The following ELK3 variants were observed in gnomAD, a reference collection of about 807,000 sequenced individuals.
ELK3 encodes the protein ETS domain-containing protein Elk-3.
ELK3 carries 10 observed loss-of-function variants against 28.9 expected under a neutral mutation model. The observed-to-expected ratio is 0.35, with a 90% confidence interval of 0.21 to 0.59. The LOEUF (loss-of-function observed/expected upper bound fraction) is 0.59. Ranked by LOEUF, ELK3 falls within the 20% of genes least tolerant of loss-of-function variation. The pLI is 0.82. For missense variants in ELK3, 463 were observed against 517.3 expected (o/e 0.90, Z 1.02); for synonymous variants, 272 against 243.5 (o/e 1.12, Z -1.09).
At chr12:96,215,397 C>T (rs1295302488) in intron 1 of ELK3, among the ~76,000 whole-genome samples, 1 of 152,104 alleles carries the variant, frequency 6.6e-6, no homozygotes, top group Non-Finnish European at 1.5e-5. Context: ...GGTCAGCTTC[C>T]AAGAAGAGGC....
At chr12:96,240,976 A>G (rs1017495887) in intron 2 of ELK3, among the ~76,000 whole-genome samples, 1 of 152,238 alleles carries the variant, frequency 6.6e-6, no homozygotes, top group Non-Finnish European at 1.5e-5. Flanking sequence ...GGGTGAAATT[A>G]TGGCTCATTA....
chr12:96,210,495 T>C (rs1951568394), intron 1 of ELK3, among the ~76,000 whole-genome samples: 1 of 151,958 alleles, frequency 6.6e-6, no homozygotes, highest in African/African-American at 2.4e-5. Context: ...GGGCCCCTCT[T>C]GGGCTAGGCT....
At chr12:96,261,539 TTACAG>T (rs1565793530) in intron 4 of ELK3, among the ~76,000 whole-genome samples, 1 of 152,210 alleles carries the variant, frequency 6.6e-6, no homozygotes, top group African/African-American at 2.4e-5. Context: ...AATTGTTTGG[TTACAG>T]TAAACTCCAT....
At chr12:96,259,706 G>T in intron 3 of ELK3, 25 bp from the exon 4 acceptor site, 1 of 1,602,354 alleles carries the variant, frequency 6.2e-7, no homozygotes, top group Non-Finnish European at 8.5e-7. Flanking sequence ...CCTATATGAA[G>T]AAGTCTGTTT....
intron 1 of ELK3, among the ~76,000 whole-genome samples, chr12:96,218,749 C>T (rs1441387590): frequency 2.0e-5 from 3 of 151,062 alleles, no homozygotes; most frequent in Admixed American, 6.6e-5. Context: ...CCTGGGTTCA[C>T]GCCATTCTCC....
Position 96,267,507 on chromosome 12 carries a change from T to C in ELK3, c.*327T>C. ...AACTAATAAGGATGTGAAGCTTTTTTCTCTTTAGTTCTGAGTATGCTAAAC... is the reference window on the plus strand; with the variant it reads ...AACTAATAAGGATGTGAAGCTTTTTCCTCTTTAGTTCTGAGTATGCTAAAC... On this transcript the variant is annotated 3_prime_UTR_variant, in exon 5 of 5. Coordinates refer to ENST00000228741, the MANE Select transcript of ELK3 (RefSeq NM_005230.4). 4.8e-6 allele frequency: 1 copy of C among 209,340 alleles called. No homozygotes were observed. The highest frequency in any genetic ancestry group is 9.8e-6 in the Non-Finnish European group (1 of 102,182). The allele number at this position is 209,340 out of a possible 1,614,324, so 13.0% of individuals were successfully genotyped here. A position where few individuals can be genotyped will look rare whatever the true frequency, so the allele number is the denominator to read the frequency against.
chr12:96,250,708 T>G (rs1001716808), intron 3 of ELK3, among the ~76,000 whole-genome samples: 2 of 152,200 alleles, frequency 1.3e-5, no homozygotes, highest in African/African-American at 4.8e-5. Context: ...ACAGAAACTC[T>G]CCTTTTCTCT....
At chr12:96,215,354 C>T (rs766722103) in intron 1 of ELK3, among the ~76,000 whole-genome samples, 9 of 152,144 alleles carry the variant, frequency 5.9e-5, no homozygotes, top group Non-Finnish European at 1.0e-4. Flanking sequence ...CACATTAAGA[C>T]GTCGGGCGCC....
chr12:96,200,365 G>A (rs1359688572), intron 1 of ELK3, among the ~76,000 whole-genome samples: 3 of 152,018 alleles, frequency 2.0e-5, no homozygotes, highest in African/African-American at 4.8e-5. Context: ...GAGGCTCTTG[G>A]TATCTTCCCC....
intron 3 of ELK3, chr12:96,255,317 C>G (rs1425584198): frequency 6.6e-6 from 1 of 152,396 alleles, no homozygotes; most frequent in African/African-American, 2.4e-5. Context: ...CCAGCTGCAT[C>G]TGGAGAGCGG....
chr12:96,262,281 A>T (rs1951998880), intron 4 of ELK3, among the ~76,000 whole-genome samples: 1 of 152,146 alleles, frequency 6.6e-6, no homozygotes, highest in South Asian at 2.1e-4. Flanking sequence ...GGTCTCCCAA[A>T]TTGCTGCGAT....
chr12:96,252,165 T>G (rs1951912511), intron 3 of ELK3, among the ~76,000 whole-genome samples: 1 of 152,198 alleles, frequency 6.6e-6, no homozygotes. Flanking sequence ...GCACATCTGT[T>G]TTCACAGTTT....
intron 1 of ELK3, among the ~76,000 whole-genome samples, chr12:96,210,388 T>C (rs560119407): frequency 8.0e-4 from 122 of 152,326 alleles, no homozygotes; most frequent in Non-Finnish European, 1.6e-3. Flanking sequence ...TGCCAGATCC[T>C]GTCATGCACG....
In ELK3 at chr12:96,247,305, C is replaced by A; in HGVS notation, c.573C>A (p.Asp191Glu). The stretch of plus-strand genomic sequence containing the variant: ...TCAGGTTTGTGACCAATAAAACCGA[C>A]AAGCACGTCACCAGGCCGGTGGTGT... ...TVIRFVTNKT[D>E]KHVTRPVVSL... Residue 191 changes from aspartate (D) to glutamate (E), a missense_variant, in exon 3 of 5, where the codon GAC (aspartate) becomes GAA (glutamate). Physicochemically the swap from Asp to Glu is conservative, Grantham distance 45. This residue lies in a region of ELK3 where 408 missense variants were observed against 414.8 expected (regional missense o/e 0.98). Coordinates refer to ENST00000228741, the MANE Select transcript of ELK3 (RefSeq NM_005230.4). This position sits in a 1 kb window ranked among gnomAD's most constrained non-coding sequence, Gnocchi z 5.5. 6.2e-7 allele frequency: 1 copy of A among 1,614,276 alleles called. No individual in the cohort carries two copies. The highest frequency in any genetic ancestry group is 2.2e-5 in the East Asian group (1 of 44,890).
chr12:96,228,387 C>G (rs951315635), intron 2 of ELK3, among the ~76,000 whole-genome samples: 1 of 134,802 alleles, frequency 7.4e-6, no homozygotes, highest in Non-Finnish European at 1.5e-5. Context: ...CACTGCACTC[C>G]AGCCTGGCGA....
intron 3 of ELK3, among the ~76,000 whole-genome samples, chr12:96,251,698 C>T (rs1190094420): frequency 6.6e-6 from 1 of 152,174 alleles, no homozygotes; most frequent in African/African-American, 2.4e-5. Flanking sequence ...TCAAACCAGC[C>T]ACAACATTCC....
Position 96,246,960 on chromosome 12 carries a change from C to G in ELK3, c.228C>G (p.Ile76Met), listed in dbSNP as rs747025068. The part of the protein sequence containing the change: ...YYDKNIIKKV[I>M]GQKFVYKFVS... Reference sequence around the variant, plus strand: ...TGCAGAACATCATCAAGAAGGTGATCGGGCAGAAGTTTGTGTACAAGTTTG... The same window carrying G: ...TGCAGAACATCATCAAGAAGGTGATGGGGCAGAAGTTTGTGTACAAGTTTG... Residue 76 changes from isoleucine to methionine, a missense_variant, in exon 3 of 5, where the codon ATC becomes ATG. Physicochemically the swap from Ile to Met is conservative, Grantham distance 10. Around this residue, in one of 2 missense-constraint regions of ELK3, gnomAD observed 55 missense variants for 102.5 expected, o/e 0.54. Coordinates refer to ENST00000228741, the MANE Select transcript of ELK3 (RefSeq NM_005230.4). 6.3e-7 allele frequency: 1 copy of G among 1,597,970 alleles called. No individual in the cohort carries two copies. The highest frequency in any genetic ancestry group is 1.7e-5 in the Admixed American group (1 of 57,484).
At chr12:96,203,083 A>G (rs540198703) in intron 1 of ELK3, among the ~76,000 whole-genome samples, 1 of 151,748 alleles carries the variant, frequency 6.6e-6, no homozygotes, top group South Asian at 2.1e-4. Flanking sequence ...GGGTTTCACC[A>G]TGCTGGCCAG....
chr12:96,199,480 C>CTG (rs10678770), intron 1 of ELK3, among the ~76,000 whole-genome samples: 54,811 of 146,074 alleles, frequency 0.38, 10,168 homozygotes, highest in African/African-American at 0.47. Flanking sequence ...ATAAAATTAG[C>CTG]TGTGTGTGTG....
Sources: gnomAD v4.1 joint callset for allele counts (sites outside exome capture counted in the v4.1 genomes callset) on GRCh38, gnomAD v4.1.1 for gene constraint, gnomAD v4.1.1 regional missense constraint, Gnocchi (gnomAD v3.1) non-coding constraint, MANE v1.5 for transcripts, NCBI Gene and HGNC (gene_info 2026-07-23, HGNC 2026-07-21) for gene names.